CTNNBL1: variants seen among roughly 807,000 people sequenced by gnomAD.
CTNNBL1 encodes the protein catenin beta like 1, also known as beta-catenin-like protein 1.
A neutral mutation model predicts 72.7 loss-of-function variants in CTNNBL1; 31 were observed. The observed-to-expected ratio is 0.43, with a 90% CI of 0.32 to 0.58. The LOEUF is 0.58. CTNNBL1 is among the 20% of genes least tolerant of loss of function. The pLI is 0.08. For synonymous variants in CTNNBL1, 240 were observed against 267.3 expected (o/e 0.90, Z 1.00); for missense variants, 534 against 725.1 (o/e 0.74, Z 3.03).
intron 9 of CTNNBL1, among the ~76,000 whole-genome samples, chr20:37,778,288 C>T (rs2073593680): frequency 6.6e-6 from 1 of 152,132 alleles, no homozygotes; most frequent in African/African-American, 2.4e-5. Context: ...TTTCCTCTTA[C>T]AAGTTTTAGC....
chr20:37,858,129 C>T (rs1276377345), intron 13 of CTNNBL1, among the ~76,000 whole-genome samples: 1 of 152,164 alleles, frequency 6.6e-6, no homozygotes, highest in Non-Finnish European at 1.5e-5. Context: ...CCCAGAAAGT[C>T]GAGACTGCAA....
chr20:37,816,990 C>T (rs1358588585), intron 11 of CTNNBL1, among the ~76,000 whole-genome samples: 1 of 152,174 alleles, frequency 6.6e-6, no homozygotes, highest in Non-Finnish European at 1.5e-5. Flanking sequence ...GATAGTGTCT[C>T]ACATTACTGA....
At chr20:37,794,040 A>G (rs1348121257) in intron 10 of CTNNBL1, among the ~76,000 whole-genome samples, 1 of 151,952 alleles carries the variant, frequency 6.6e-6, no homozygotes, top group East Asian at 2.0e-4. Context: ...TGGCCTCCCA[A>G]ACTGCTGGGA....
At chr20:37,799,713 A>T (rs7269931) in intron 10 of CTNNBL1, among the ~76,000 whole-genome samples, 3,598 of 152,340 alleles carry the variant, frequency 0.024, 132 homozygotes, top group African/African-American at 0.081. Flanking sequence ...TGTCTGCTGC[A>T]TAAAGACATA....
intron 11 of CTNNBL1, among the ~76,000 whole-genome samples, chr20:37,837,530 A>G (rs4811186): frequency 0.82 from 124,411 of 152,100 alleles, 50,929 homozygotes; most frequent in Middle Eastern, 0.89. Context: ...TGGCGCCCTC[A>G]GAAAAAGCTG....
At position 37,719,482 on chromosome 20, in the gene CTNNBL1, A is replaced by AAGTGCC. The variant is rs560179432; in HGVS notation, c.31-13396_31-13391dup. Among the ~76,000 whole-genome samples the AAGTGCC allele has an allele frequency of 2.8e-3, 425 of 152,304 alleles. 5 individuals are homozygous for AAGTGCC. Among genetic ancestry groups the AAGTGCC allele is most frequent in the East Asian group, 0.017 (88 of 5,186 alleles). ...AGTGTTGTGGTTCTCACAAGATTGA[A>AAGTGCC]AGTGCCTTGAAGGAAAGAACATGCC... On this transcript the variant is annotated intron_variant, in intron 1 of 15. Transcript: ENST00000361383.
rs57358123 is a variant in CTNNBL1, at chr20:37,696,435, CTTT to C, written c.30+2306_30+2308del. Among the ~76,000 whole-genome samples, 835 of 89,484 alleles carry C rather than the reference CTTT, an allele frequency of 9.3e-3. 7 individuals are homozygous for C. Among genetic ancestry groups the C allele is most frequent in the African/African-American group, 0.036 (789 of 21,796 alleles). 58.7% of individuals were successfully genotyped at this position (89,484 alleles called of 152,430 possible). A position where few individuals can be genotyped will look rare whatever the true frequency, so the allele number is the denominator to read the frequency against. On this transcript the variant is annotated intron_variant, in intron 1 of 15. Coordinates refer to ENST00000361383, the MANE Select transcript of CTNNBL1 (RefSeq NM_030877.5). ...TTAGTATGAAAATAATGTACAATAT[CTTT>C]TTTTTTTTTTTTTTTTTTTTTTGAG... is the stretch of plus-strand genomic sequence containing the variant.
At position 37,779,271 on chromosome 20, in the gene CTNNBL1, CTT is replaced by C; in HGVS notation, c.968_969del (p.Leu323GlnfsTer5). 1 of 1,613,820 alleles carries C rather than the reference CTT, an allele frequency of 6.2e-7. No individual in the cohort carries two copies. The highest frequency in any genetic ancestry group is 8.5e-7 in the Non-Finnish European group (1 of 1,179,748). ...TGATTCCCTCTGCTCCTGTCTAATG[CTT>C]AGTTCCAATCGTGAGCGCTTCCTGA... is the stretch of plus-strand genomic sequence containing the variant. ...LFDSLCSCLM[L>X]SSNRERFLKG... On this transcript the variant is annotated frameshift_variant, in exon 10 of 16. Coordinates refer to ENST00000361383, the MANE Select transcript of CTNNBL1 (RefSeq NM_030877.5). LOFTEE classifies it high-confidence loss of function.
chr20:37,715,339 G>A (rs1459698297), intron 1 of CTNNBL1, among the ~76,000 whole-genome samples: 1 of 152,178 alleles, frequency 6.6e-6, no homozygotes, highest in Non-Finnish European at 1.5e-5. Flanking sequence ...ATGAAGAATG[G>A]TATCACCTAC....
chr20:37,702,691 T>A (rs2072854354), intron 1 of CTNNBL1, among the ~76,000 whole-genome samples: 1 of 152,204 alleles, frequency 6.6e-6, no homozygotes, highest in Non-Finnish European at 1.5e-5. Flanking sequence ...ACTTCCTCCC[T>A]CTGCGTTCTT....
chr20:37,718,227 G>A (rs1249916476), intron 1 of CTNNBL1, among the ~76,000 whole-genome samples: 5 of 148,380 alleles, frequency 3.4e-5, no homozygotes, highest in African/African-American at 1.0e-4. Context: ...GCGGCTGGCC[G>A]GGCGGGGGGC....
At position 37,841,355 on chromosome 20, in the gene CTNNBL1, C is replaced by T. The variant is rs116725790; in HGVS notation, c.1312-984C>T. Among the ~76,000 whole-genome samples the T allele has an allele frequency of 4.9e-3, 752 of 152,320 alleles. 7 individuals are homozygous for T. The highest frequency in any genetic ancestry group is 0.015 in the African/African-American group (635 of 41,576). The stretch of plus-strand genomic sequence containing the variant: ...GTGACATCAGTTAACATCTGTGCTT[C>T]GGTTTCCTCATCTTTGAAATGGGGT... On this transcript the variant is annotated intron_variant, in intron 12 of 15. Transcript: ENST00000361383.
chr20:37,708,328 T>C (rs370725724), intron 1 of CTNNBL1, among the ~76,000 whole-genome samples: 5 of 151,972 alleles, frequency 3.3e-5, no homozygotes, highest in African/African-American at 1.2e-4. Flanking sequence ...TGTGCCACCA[T>C]GCCCAGCTAA....
intron 13 of CTNNBL1, 23 bp downstream of exon 13, chr20:37,842,442 T>G (rs375421773): frequency 6.4e-7 from 1 of 1,569,846 alleles, no homozygotes; most frequent in Non-Finnish European, 8.8e-7. Flanking sequence ...GCCTCACTTT[T>G]GCCAGCTATT....
intron 1 of CTNNBL1, chr20:37,694,914 T>C (rs2072777839): frequency 6.6e-6 from 1 of 152,236 alleles, no homozygotes; most frequent in Non-Finnish European, 1.5e-5. Context: ...TTTCCCCCAC[T>C]TTGATTCCAT....
intron 1 of CTNNBL1, among the ~76,000 whole-genome samples, chr20:37,710,956 C>G (rs2072932068): frequency 6.6e-6 from 1 of 152,292 alleles, no homozygotes; most frequent in African/African-American, 2.4e-5. Flanking sequence ...ACACCAGTTT[C>G]TTTAGGCTTG....
chr20:37,803,970 A>G (rs1326078180), intron 11 of CTNNBL1, among the ~76,000 whole-genome samples: 1 of 151,920 alleles, frequency 6.6e-6, no homozygotes, highest in African/African-American at 2.4e-5. Context: ...TCTCTTTTCC[A>G]GTTGACTTGG....
intron 7 of CTNNBL1, among the ~76,000 whole-genome samples, chr20:37,772,157 CTAAATT>C (rs1233760393): frequency 6.6e-6 from 1 of 152,174 alleles, no homozygotes; most frequent in African/African-American, 2.4e-5. Context: ...CCAAATATCT[CTAAATT>C]TTATAATTAC....
chr20:37,708,437 G>A (rs1345261425), intron 1 of CTNNBL1, among the ~76,000 whole-genome samples: 1 of 152,202 alleles, frequency 6.6e-6, no homozygotes, highest in East Asian at 1.9e-4. Flanking sequence ...CTCCCAAAGT[G>A]TTGGGATTAC....
Sources: allele counts gnomAD v4.1 joint callset (sites outside exome capture counted in the v4.1 genomes callset), GRCh38; gene constraint gnomAD v4.1.1; transcripts MANE v1.5; gene names NCBI Gene and HGNC (gene_info 2026-07-23, HGNC 2026-07-21).